ENPP3: variants seen among roughly 807,000 people sequenced by gnomAD.
ENPP3 encodes the protein ectonucleotide pyrophosphatase/phosphodiesterase family member 3.
A neutral mutation model predicts 117.8 loss-of-function variants in ENPP3; 104 were observed. The ratio of observed to expected loss-of-function variants is 0.88; its 90% confidence interval spans 0.75 to 1.04. ENPP3 has a LOEUF of 1.04. Among genes scored for constraint, ENPP3 ranks in the 50% least tolerant of loss-of-function variants. The probability of loss-of-function intolerance (pLI) is 0.00; values close to 1 mark genes in which losing one functional copy is unlikely to be tolerated. For missense variants in ENPP3, 1,026 were observed against 1,051.9 expected (o/e 0.98, Z 0.34); for synonymous variants, 380 against 349.9 (o/e 1.09, Z -0.96).
At chr6:131,699,235 C>CAAAAAAAAAAA (rs4053087) in intron 15 of ENPP3, among the ~76,000 whole-genome samples, 1,765 of 104,378 alleles carry the variant, frequency 0.017, 8 homozygotes, top group African/African-American at 0.043. Flanking sequence ...AAGACTGTCT[C>CAAAAAAAAAAA]AAAAAAAAAA....
At chr6:131,683,210 C>A in intron 12 of ENPP3, 48 bp downstream of exon 12, 2 of 1,023,336 alleles carry the variant, frequency 2.0e-6, no homozygotes, top group South Asian at 1.3e-5. Context: ...TATAATTTAT[C>A]ACTTCAGAAA....
intron 21 of ENPP3, among the ~76,000 whole-genome samples, chr6:131,734,655 G>C (rs1780357192): frequency 6.6e-6 from 1 of 152,034 alleles, no homozygotes; most frequent in Non-Finnish European, 1.5e-5. Context: ...CCAGCACTTT[G>C]GGAGGCCAAA....
chr6:131,746,465 CTGA>C (rs962053641), intron 24 of ENPP3, among the ~76,000 whole-genome samples: 137 of 152,106 alleles, frequency 9.0e-4, no homozygotes, highest in African/African-American at 3.2e-3. Context: ...TGGATTCACC[CTGA>C]TATAAAGATG....
Position 131,658,353 on chromosome 6 carries a change from T to C in ENPP3, c.495T>C (p.Ser165=). The change falls in exon 6 of 25, where the codon TCT becomes TCC. Residue 165 remains serine (S), a synonymous_variant. Transcript: ENST00000357639. ...GFDLPPVILF[S]MDGFRAEYLY... is the part of the protein sequence containing the mutation. ...ACCTGCCACCAGTTATCTTGTTTTC[T>C]ATGGATGGATTTAGAGCTGAATATT... The C allele has an allele frequency of 1.2e-6, 2 of 1,609,926 alleles. No homozygotes were observed. Among genetic ancestry groups the C allele is most frequent in the Non-Finnish European group, 1.7e-6 (2 of 1,176,420 alleles).
intron 6 of ENPP3, among the ~76,000 whole-genome samples, chr6:131,660,053 T>C (rs1411706262): frequency 6.6e-6 from 1 of 152,132 alleles, no homozygotes; most frequent in Non-Finnish European, 1.5e-5. Flanking sequence ...AATCCCCAAA[T>C]GTGTGAAGCT....
At chr6:131,737,328 A>G (rs1244200640) in intron 21 of ENPP3, 27 bp from the exon 22 acceptor site, 8 of 1,457,338 alleles carry the variant, frequency 5.5e-6, no homozygotes, top group Non-Finnish European at 7.7e-6. Flanking sequence ...TTATAGCTAG[A>G]TCTAATAAGA....
At chr6:131,721,452 AACTACATAGG>A (rs1355297296) in intron 17 of ENPP3, among the ~76,000 whole-genome samples, 2 of 151,912 alleles carry the variant, frequency 1.3e-5, no homozygotes, top group African/African-American at 4.9e-5. Flanking sequence ...GGTTAAAAGG[AACTACATAGG>A]ACTGCAGTTC....
chr6:131,729,234 A>G (rs1433253537), intron 20 of ENPP3, among the ~76,000 whole-genome samples: 24 of 152,218 alleles, frequency 1.6e-4, no homozygotes, highest in Non-Finnish European at 1.2e-4. Context: ...GAACTATGAA[A>G]GAATTATTTT....
At chr6:131,745,573 G>A (rs934572693) in intron 24 of ENPP3, among the ~76,000 whole-genome samples, 19 of 151,830 alleles carry the variant, frequency 1.3e-4, no homozygotes, top group Non-Finnish European at 2.9e-5. Flanking sequence ...AGAAACCCAT[G>A]TTTCTAAATT....
intron 15 of ENPP3, among the ~76,000 whole-genome samples, chr6:131,717,323 T>C (rs976700917): frequency 3.3e-5 from 5 of 150,432 alleles, no homozygotes. Flanking sequence ...GAGTCGAGTT[T>C]GTAAAAACAA....
intron 10 of ENPP3, 83 bp from the exon 11 acceptor site, chr6:131,677,785 C>A: frequency 5.6e-6 from 5 of 890,014 alleles, no homozygotes; most frequent in Non-Finnish European, 7.4e-6. Flanking sequence ...GGCTAGCAAG[C>A]CCAAGATCTA....
Position 131,642,564 on chromosome 6 carries a change from C to G in ENPP3, c.154+1034C>G, listed in dbSNP as rs565165348. Among the ~76,000 whole-genome samples the G allele has an allele frequency of 5.3e-5, 8 of 151,934 alleles. No individual in the cohort carries two copies. In the South Asian group the frequency reaches 1.7e-3, roughly 32 times the overall value. On this transcript the variant is annotated intron_variant, in intron 2 of 24. Coordinates refer to ENST00000357639, the MANE Select transcript of ENPP3 (RefSeq NM_005021.5). ...AAGCCAGTTGCTAGATCATTCATGT[C>G]CCCCCGCTTTTTGTTGTTTGTTTTT...
At chr6:131,645,052 C>T (rs1778127257) in intron 2 of ENPP3, among the ~76,000 whole-genome samples, 2 of 152,206 alleles carry the variant, frequency 1.3e-5, no homozygotes, top group Non-Finnish European at 2.9e-5. Flanking sequence ...ATGCATACAT[C>T]TGTTCTCATG....
In ENPP3 at chr6:131,674,530, G is replaced by A. The variant is rs978703131; in HGVS notation, c.762+249G>A. 8.2e-6 allele frequency: 4 copies of A among 486,946 alleles called. No individual in the cohort carries two copies. In the East Asian group the frequency reaches 1.5e-4, roughly 19 times the overall value. 30.2% of individuals were successfully genotyped at this position (486,946 alleles called of 1,614,324 possible). On this transcript the variant is annotated intron_variant, in intron 8 of 24. Coordinates refer to ENST00000357639, the MANE Select transcript of ENPP3 (RefSeq NM_005021.5). ...TATCCATCTGGAAGTTACTCAGAAA[G>A]ATTATCTGTTAATGTTTTTCCTCAT...
At chr6:131,721,170 G>A (rs147803081) in intron 17 of ENPP3, among the ~76,000 whole-genome samples, 270 of 152,238 alleles carry the variant, frequency 1.8e-3, no homozygotes, top group African/African-American at 5.9e-3. Flanking sequence ...TCCTACCTAC[G>A]TGCTTGTTGC....
chr6:131,744,099 G>C (rs1780584184), intron 24 of ENPP3, among the ~76,000 whole-genome samples: 1 of 152,174 alleles, frequency 6.6e-6, no homozygotes, highest in African/African-American at 2.4e-5. Context: ...CTATTAAGAG[G>C]TTCCAGGGAA....
At chr6:131,746,089 CAA>C (rs879555779) in intron 24 of ENPP3, among the ~76,000 whole-genome samples, 4 of 137,136 alleles carry the variant, frequency 2.9e-5, no homozygotes, top group African/African-American at 8.0e-5. Flanking sequence ...GTGACAATGT[CAA>C]AAAAAAAAAA....
chr6:131,720,917 A>G (rs763538698), intron 17 of ENPP3, among the ~76,000 whole-genome samples: 4 of 152,098 alleles, frequency 2.6e-5, no homozygotes, highest in Non-Finnish European at 4.4e-5. Flanking sequence ...CAGAAGACCA[A>G]CCTTTTCTAT....
At chr6:131,710,585 C>T in intron 15 of ENPP3, 1 of 1,613,332 alleles carries the variant, frequency 6.2e-7, no homozygotes, top group Non-Finnish European at 8.5e-7. Flanking sequence ...CAGAGGATTT[C>T]ATCCTCAAGT....
Sources: gnomAD v4.1 joint callset for allele counts (sites outside exome capture counted in the v4.1 genomes callset) on GRCh38, gnomAD v4.1.1 for gene constraint, MANE v1.5 for transcripts, NCBI Gene and HGNC (gene_info 2026-07-23, HGNC 2026-07-21) for gene names.